The following SGSM1 variants were observed in gnomAD, a reference collection of about 807,000 sequenced individuals.
SGSM1 encodes small G protein signaling modulator 1, also known as RUN and TBC1 domain containing 2.
In SGSM1, 73 loss-of-function variants were observed where a neutral mutation model predicts 133.8. That is an observed-to-expected ratio of 0.55 (90% CI 0.45 to 0.66). SGSM1 has a LOEUF of 0.66. SGSM1 is among the 30% of genes least tolerant of loss of function. The pLI is 0.00. For missense variants in SGSM1, 1,213 were observed against 1,448.1 expected (o/e 0.84, Z 2.64); for synonymous variants, 563 against 573.0 (o/e 0.98, Z 0.25).
intron 2 of SGSM1, among the ~76,000 whole-genome samples, chr22:24,837,728 C>T (rs542407979): frequency 2.6e-5 from 4 of 152,302 alleles, no homozygotes; most frequent in Admixed American, 1.3e-4. Context: ...TGGCCCTGTC[C>T]GGGCATAACT....
intron 2 of SGSM1, among the ~76,000 whole-genome samples, chr22:24,825,179 C>G (rs932775102): frequency 1.3e-5 from 2 of 152,168 alleles, no homozygotes; most frequent in South Asian, 4.1e-4. Context: ...CAGAAGGCAC[C>G]ATGTGAGCAA....
intron 5 of SGSM1, 24 bp from the exon 6 acceptor site, chr22:24,854,972 C>G (rs747158760): frequency 6.2e-7 from 1 of 1,604,972 alleles, no homozygotes; most frequent in South Asian, 1.1e-5. Context: ...CCATCCAAAC[C>G]TGCATATTCT....
intron 20 of SGSM1, among the ~76,000 whole-genome samples, chr22:24,904,302 C>G (rs893603525): frequency 6.6e-6 from 1 of 152,056 alleles, no homozygotes; most frequent in Non-Finnish European, 1.5e-5. Flanking sequence ...GTTGAGAGGC[C>G]GGGCGCAGTG....
intron 20 of SGSM1, among the ~76,000 whole-genome samples, chr22:24,903,767 T>A (rs559441051): frequency 1.3e-5 from 2 of 150,846 alleles, no homozygotes; most frequent in Non-Finnish European, 1.5e-5. Context: ...AGGTCAGGAG[T>A]TCGAGACCAG....
chr22:24,896,306 A>C (rs1932911837), intron 18 of SGSM1, among the ~76,000 whole-genome samples: 1 of 152,192 alleles, frequency 6.6e-6, no homozygotes, highest in South Asian at 2.1e-4. Context: ...CTCTGAAGCT[A>C]GGTAAACTTT....
At chr22:24,821,542 A>G (rs1036527226) in intron 2 of SGSM1, among the ~76,000 whole-genome samples, 9 of 152,120 alleles carry the variant, frequency 5.9e-5, no homozygotes, top group African/African-American at 2.2e-4. Context: ...GGTGGCAGGG[A>G]AGGTTTCTGA....
chr22:24,866,795 C>A (rs1010487567), intron 9 of SGSM1, among the ~76,000 whole-genome samples: 1 of 152,170 alleles, frequency 6.6e-6, no homozygotes, highest in Non-Finnish European at 1.5e-5. Flanking sequence ...AACAGTGGGA[C>A]AGGTTGATTG....
chr22:24,895,151 C>A, intron 17 of SGSM1, 72 bp from the exon 18 acceptor site: 1 of 1,468,774 alleles, frequency 6.8e-7, no homozygotes, highest in Admixed American at 2.0e-5. Context: ...TGGCTCCCAG[C>A]CCAGCAGTCC....
chr22:24,899,033 A>AC (rs1491075009), intron 19 of SGSM1, among the ~76,000 whole-genome samples: 1 of 142,784 alleles, frequency 7.0e-6, no homozygotes, highest in Non-Finnish European at 1.5e-5. Flanking sequence ...AAAAAAAAAA[A>AC]AAAAAAAAAA....
Position 24,887,629 on chromosome 22 carries a change from T to A in SGSM1, c.1770+901T>A, listed in dbSNP as rs113327711. Among the ~76,000 whole-genome samples the A allele has an allele frequency of 5.7e-3, 868 of 152,328 alleles. 9 individuals are homozygous for A. The highest frequency in any genetic ancestry group is 0.02 in the African/African-American group (816 of 41,580). ...ATGTAATTGCTGGGTCATATAGTAG[T>A]CGCATGTTCAGTTTTATATGAAACT... On this transcript the variant is annotated intron_variant, in intron 16 of 24. Transcript: ENST00000400358.
intron 2 of SGSM1, among the ~76,000 whole-genome samples, chr22:24,812,172 AAAAAG>A (rs1204881970): frequency 5.6e-5 from 6 of 107,650 alleles, no homozygotes; most frequent in African/African-American, 1.6e-4. Flanking sequence ...TCCGTCTCAA[AAAAAG>A]AAAAAAAAAA....
chr22:24,844,577 G>T, intron 2 of SGSM1: 1 of 251,390 alleles, frequency 4.0e-6, no homozygotes, highest in Non-Finnish European at 7.5e-6. Context: ...AACTAAAACA[G>T]GGGATGGGAG....
At chr22:24,849,472 G>C (rs1285130115) in intron 4 of SGSM1, among the ~76,000 whole-genome samples, 1 of 152,196 alleles carries the variant, frequency 6.6e-6, no homozygotes. Flanking sequence ...AGAATCGCTT[G>C]AACCCAGGAG....
At chr22:24,826,679 A>G (rs547517243) in intron 2 of SGSM1, among the ~76,000 whole-genome samples, 1 of 152,298 alleles carries the variant, frequency 6.6e-6, no homozygotes, top group East Asian at 1.9e-4. Context: ...GGAAAAGGGT[A>G]GCGATGGCAG....
At chr22:24,811,665 G>C (rs1038210953) in intron 2 of SGSM1, among the ~76,000 whole-genome samples, 3 of 151,634 alleles carry the variant, frequency 2.0e-5, no homozygotes, top group African/African-American at 7.3e-5. Context: ...TTGGAGTTTG[G>C]GACCAGCCTG....
chr22:24,873,698 A>G (rs1931877509), intron 12 of SGSM1, among the ~76,000 whole-genome samples: 1 of 152,160 alleles, frequency 6.6e-6, no homozygotes, highest in Non-Finnish European at 1.5e-5. Context: ...AAAAAATTTT[A>G]AAACATTAGC....
Position 24,870,574 on chromosome 22 carries a change from G to A in SGSM1, c.1291+1719G>A, listed in dbSNP as rs554885922. On this transcript the variant is annotated intron_variant, in intron 12 of 24. Transcript: ENST00000400358. ...GGCCAGTGGAACAGTGAGGACACTGGCTGTGCTCACCCACATCCTCAGCAT... is the reference window on the plus strand; with the variant it reads ...GGCCAGTGGAACAGTGAGGACACTGACTGTGCTCACCCACATCCTCAGCAT... 3.3e-5 allele frequency among the ~76,000 whole-genome samples: 5 copies of A among 152,326 alleles called. No homozygotes were observed. The South Asian group carries it at 1.0e-3, about 32-fold the overall frequency.
At chr22:24,878,178 A>G (rs529764447) in intron 13 of SGSM1, among the ~76,000 whole-genome samples, 4 of 152,282 alleles carry the variant, frequency 2.6e-5, no homozygotes, top group South Asian at 2.1e-4. Context: ...TTCCTGGACT[A>G]TTTCCTAGAG....
intron 8 of SGSM1, among the ~76,000 whole-genome samples, chr22:24,856,891 C>T (rs1208154895): frequency 1.3e-5 from 2 of 151,716 alleles, no homozygotes; most frequent in African/African-American, 4.8e-5. Flanking sequence ...GCCTCAGCCT[C>T]CCAAGTAACT....
Sources: allele counts gnomAD v4.1 joint callset (sites outside exome capture counted in the v4.1 genomes callset), GRCh38; gene constraint gnomAD v4.1.1; transcripts MANE v1.5; gene names NCBI Gene and HGNC (gene_info 2026-07-23, HGNC 2026-07-21).